Variants in ZZEF1 observed in about 807,000 individuals in gnomAD.
The protein encoded by ZZEF1 is zinc finger ZZ-type and EF-hand domain containing 1, also known as zinc finger ZZ-type and EF-hand domain-containing protein 1.
A neutral mutation model predicts 342.8 loss-of-function variants in ZZEF1; 157 were observed. The ratio of observed to expected loss-of-function variants is 0.46; its 90% CI spans 0.40 to 0.52. ZZEF1 has a LOEUF of 0.52. Ranked by LOEUF, ZZEF1 falls within the 20% of genes least tolerant of loss-of-function variation. The pLI, the probability that ZZEF1 is intolerant of heterozygous loss-of-function variation, is 0.00. For missense variants in ZZEF1, 3,480 were observed against 3,725.6 expected (o/e 0.93, Z 1.72); for synonymous variants, 1,505 against 1,429.1 (o/e 1.05, Z -1.20).
intron 1 of ZZEF1, among the ~76,000 whole-genome samples, chr17:4,133,547 G>C (rs1358603467): frequency 6.6e-6 from 1 of 152,036 alleles, no homozygotes; most frequent in Non-Finnish European, 1.5e-5. Context: ...ATCAACTCTA[G>C]AAGTGAGACT....
At chr17:4,018,026 A>G (rs1458987844) in intron 46 of ZZEF1, 55 bp from the exon 47 acceptor site, 3 of 1,597,372 alleles carry the variant, frequency 1.9e-6, no homozygotes, top group Non-Finnish European at 2.6e-6. Flanking sequence ...GCCAGTTTTA[A>G]CCTGCACTTA....
intron 41 of ZZEF1, 43 bp from the exon 42 acceptor site, chr17:4,032,301 G>C (rs776356722): frequency 1.3e-6 from 2 of 1,594,510 alleles, no homozygotes; most frequent in South Asian, 1.1e-5. Flanking sequence ...CTCAAACATG[G>C]AGACAAGAAA....
intron 32 of ZZEF1, 88 bp from the exon 33 acceptor site, chr17:4,056,433 A>T (rs2057160878): frequency 7.5e-7 from 1 of 1,325,250 alleles, no homozygotes; most frequent in African/African-American, 1.5e-5. Flanking sequence ...CTATAGGTCT[A>T]TTATATTGGG....
At chr17:4,063,348 G>A (rs1433455043) in intron 29 of ZZEF1, among the ~76,000 whole-genome samples, 1 of 152,144 alleles carries the variant, frequency 6.6e-6, no homozygotes, top group Non-Finnish European at 1.5e-5. Flanking sequence ...CTCTGATGCA[G>A]AAAGATTCCT....
rs2055792533 is a variant in ZZEF1 at position 4,006,014 on chromosome 17, C to T, written c.*876G>A. 1 of 152,244 alleles carries T rather than the reference C, an allele frequency of 6.6e-6. No individual in the cohort carries two copies. The highest frequency in any genetic ancestry group is 2.1e-4 in the South Asian group (1 of 4,836). The allele number at this position is 152,244 out of a possible 1,614,324, so 9.4% of individuals were successfully genotyped here. A position where few individuals can be genotyped will look rare whatever the true frequency, so the allele number is the denominator to read the frequency against. On this transcript the variant is annotated 3_prime_UTR_variant, in exon 55 of 55. Transcript: ENST00000381638. ...ATGACAGACTACCATGACTATCAAG[C>T]AGAAATAAAATTATGTGGGTTTTTA...
chr17:4,089,603 G>T, intron 12 of ZZEF1, among the ~76,000 whole-genome samples: 1 of 142,154 alleles, frequency 7.0e-6, no homozygotes, highest in Non-Finnish European at 1.6e-5. Context: ...CTCTCAGCCT[G>T]AGGTGCCCTC....
intron 27 of ZZEF1, 84 bp from the exon 28 acceptor site, chr17:4,066,624 A>T (rs2057403760): frequency 1.8e-6 from 2 of 1,106,152 alleles, no homozygotes; most frequent in African/African-American, 3.1e-5. Context: ...AAAAGCACAC[A>T]GCACTGACAC....
rs867248118 is a variant in ZZEF1, at chr17:4,088,803, C to A, written c.2116G>T (p.Ala706Ser). ...GLTISGYLRP[A>S]RAEAEQSVTC... The stretch of plus-strand genomic sequence containing the variant: ...ACGCTCTGTTCTGCTTCTGCTCTTG[C>A]AGGCCGGAGGTACCCACTGATGGTC... Residue 706 changes from alanine to serine, a missense_variant, in exon 13 of 55, where the codon GCA becomes TCA. Coordinates refer to ENST00000381638, the MANE Select transcript of ZZEF1 (RefSeq NM_015113.4). 6.2e-7 allele frequency: 1 copy of A among 1,614,086 alleles called. No individual in the cohort carries two copies. The highest frequency in any genetic ancestry group is 1.3e-5 in the African/African-American group (1 of 74,924).
Position 4,016,218 on chromosome 17 carries a change from G to C in ZZEF1, c.8145+105C>G. 1 of 1,387,866 alleles carries C rather than the reference G, an allele frequency of 7.2e-7. No individual in the cohort carries two copies. The highest frequency in any genetic ancestry group is 9.8e-7 in the Non-Finnish European group (1 of 1,022,158). 86.0% of individuals were successfully genotyped at this position (1,387,866 alleles called of 1,614,324 possible). On this transcript the variant is annotated intron_variant, in intron 49 of 54. Coordinates refer to ENST00000381638, the MANE Select transcript of ZZEF1 (RefSeq NM_015113.4). This position sits in a 1 kb window ranked among gnomAD's most constrained non-coding sequence, Gnocchi z 4.4. The stretch of plus-strand genomic sequence containing the variant: ...TGGACAGGTCTCTGCTGTCCAGCGG[G>C]AGAGAGCCACAGAGGGGCTGAGCAT...
chr17:4,087,442 T>C lies in ZZEF1; in HGVS notation c.2334A>G (p.Leu778=). The stretch of plus-strand genomic sequence containing the variant: ...AACAAATTCTGACCTACTTTTGCTT[T>C]AATTTACTGTAAAAATTCCAGAAGA... ...LQIFWNFYSK[L]KQNPREECVS... Residue 778 remains leucine (L), a synonymous_variant, in exon 14 of 55, where the codon TTA becomes TTG. Transcript: ENST00000381638. 1.2e-6 allele frequency: 2 copies of C among 1,609,786 alleles called. No homozygotes were observed. Among genetic ancestry groups the C allele is most frequent in the South Asian group, 1.1e-5 (1 of 89,368 alleles).
rs766162715 is a variant in ZZEF1, at chr17:4,021,324, C to T, written c.7213-4G>A. 6.3e-7 allele frequency: 1 copy of T among 1,593,110 alleles called. No individual in the cohort carries two copies. The highest frequency in any genetic ancestry group is 2.3e-5 in the East Asian group (1 of 44,032). ...AGTACAGCATGATGGACAAAATCTA[C>T]ACAGAAAGAAAATCCAGCTGAATGT... On this transcript the variant is annotated splice_region_variant and splice_polypyrimidine_tract_variant and intron_variant, in intron 44 of 54. Coordinates refer to ENST00000381638, the MANE Select transcript of ZZEF1 (RefSeq NM_015113.4).
Position 4,074,225 on chromosome 17 carries a change from G to A in ZZEF1, c.3610C>T (p.Leu1204=). 1.2e-6 allele frequency: 2 copies of A among 1,614,114 alleles called. No homozygotes were observed. Among genetic ancestry groups the A allele is most frequent in the Non-Finnish European group, 1.7e-6 (2 of 1,180,002 alleles). ...GLPDVAVSWG[L]DLQLLVSRLM... ...CGGGAGACGAGGAGCTGTAAATCCA[G>A]CCCCCAAGACACGGCAACATCGGGC... is the stretch of plus-strand genomic sequence containing the variant. The change falls in exon 24 of 55, where the codon CTG becomes TTG. Residue 1204 remains leucine (L), a synonymous_variant. Coordinates refer to ENST00000381638, the MANE Select transcript of ZZEF1 (RefSeq NM_015113.4).
At chr17:4,111,714 T>C (rs1232507174) in intron 5 of ZZEF1, among the ~76,000 whole-genome samples, 1 of 146,182 alleles carries the variant, frequency 6.8e-6, no homozygotes, top group East Asian at 2.0e-4. Context: ...ATACACAATA[T>C]ATAAATATGT....
At chr17:4,095,729 C>T (rs1360062489) in intron 11 of ZZEF1, 102 bp downstream of exon 11, 1 of 1,293,006 alleles carries the variant, frequency 7.7e-7, no homozygotes, top group Non-Finnish European at 1.0e-6. Flanking sequence ...TCTATAAAGA[C>T]AAGCAAGCAC....
At chr17:4,134,862 T>TA (rs2058723812) in intron 1 of ZZEF1, among the ~76,000 whole-genome samples, 1 of 151,966 alleles carries the variant, frequency 6.6e-6, no homozygotes, top group Admixed American at 6.6e-5. Context: ...TGTGCTTTAA[T>TA]GGGTAACTAG....
chr17:4,008,444 G>T lies in ZZEF1; in HGVS notation c.8805+439C>A. Reference sequence around the variant, plus strand: ...AAATCTCGTTTCTAATGGCACATATGGATATATGCATAATAGACATATCCA... The same window carrying T: ...AAATCTCGTTTCTAATGGCACATATTGATATATGCATAATAGACATATCCA... On this transcript the variant is annotated intron_variant, in intron 54 of 54. Coordinates refer to ENST00000381638, the MANE Select transcript of ZZEF1 (RefSeq NM_015113.4). The surrounding 1 kb of genome is among the most constrained non-coding windows in gnomAD (Gnocchi z 4.2). 1 of 694,460 alleles carries T rather than the reference G, an allele frequency of 1.4e-6. No individual in the cohort carries two copies. Among genetic ancestry groups the T allele is most frequent in the South Asian group, 6.5e-5 (1 of 15,472 alleles). 43.0% of individuals were successfully genotyped at this position (694,460 alleles called of 1,614,324 possible).
At chr17:4,074,963 T>C (rs1400021843) in intron 23 of ZZEF1, 134 bp downstream of exon 23, 3 of 954,668 alleles carry the variant, frequency 3.1e-6, no homozygotes, top group Admixed American at 2.6e-5. Context: ...AACTCTGATA[T>C]AAATCCTTCC....
At position 4,032,736 on chromosome 17, in the gene ZZEF1, A is replaced by C. The variant is rs2056575415; in HGVS notation, c.6759+92T>G. On this transcript the variant is annotated intron_variant, in intron 41 of 54. Transcript: ENST00000381638. ...AAGGAAAAAGCTTCCAAAGAGATCT[A>C]TGCCTATATATCCGGAAGCCACAGA... 13 of 1,347,820 alleles carry C rather than the reference A, an allele frequency of 9.6e-6. No individual in the cohort carries two copies. In the South Asian group the frequency reaches 1.5e-4, roughly 15 times the overall value. The allele number at this position is 1,347,820 out of a possible 1,614,324, so 83.5% of individuals were successfully genotyped here.
At position 4,054,111 on chromosome 17, in the gene ZZEF1, G is replaced by C. The variant is rs1158782643; in HGVS notation, c.5380C>G (p.Arg1794Gly). The part of the protein sequence containing the change: ...DGCDEIAPWH[R>G]YRCLQCSDMD... ...TCGCTGCACTGCAGACAGCGGTATC[G>C]ATGCCAGGGGGCAATCTCATCACAC... is the stretch of plus-strand genomic sequence containing the variant. Residue 1794 changes from arginine (R) to glycine (G), a missense_variant, in exon 34 of 55, where the codon CGA becomes GGA. Physicochemically the swap from Arg to Gly is moderately radical, Grantham distance 125 (BLOSUM62 -2). Around this residue, in one of 5 missense-constraint regions of ZZEF1, gnomAD observed 175 missense variants for 254.6 expected, o/e 0.69. Transcript: ENST00000381638. 1.2e-6 allele frequency: 2 copies of C among 1,613,746 alleles called. No individual in the cohort carries two copies. The highest frequency in any genetic ancestry group is 2.7e-5 in the African/African-American group (2 of 74,926).
Sources: gnomAD v4.1 joint callset for allele counts (sites outside exome capture counted in the v4.1 genomes callset) on GRCh38, gnomAD v4.1.1 for gene constraint, gnomAD v4.1.1 regional missense constraint, Gnocchi (gnomAD v3.1) non-coding constraint, MANE v1.5 for transcripts, NCBI Gene and HGNC (gene_info 2026-07-23, HGNC 2026-07-21) for gene names.